The following AKNA variants were observed in gnomAD, a reference collection of about 807,000 sequenced individuals.
AKNA encodes the protein microtubule organization protein AKNA.
In AKNA, 67 loss-of-function variants were observed where a neutral mutation model predicts 138.8. That is an observed-to-expected ratio of 0.48 (90% CI 0.40 to 0.59). The LOEUF (loss-of-function observed/expected upper bound fraction) is 0.59. Among genes scored for constraint, AKNA ranks in the 20% least tolerant of loss-of-function variants. The pLI is 0.00. For synonymous variants in AKNA, 737 were observed against 754.4 expected, an observed-to-expected ratio of 0.98 and a Z score of 0.38; for missense variants, 1,813 against 1,880.4, an observed-to-expected ratio of 0.96 and a Z score of 0.66.
chr9:114,388,216 G>A (rs560073066), upstream of AKNA: 160 of 208,496 alleles, frequency 7.7e-4, no homozygotes, highest in Non-Finnish European at 1.3e-3. Context: ...AACTCCTGAC[G>A]TCCTGGGCTT....
At chr9:114,374,504 T>G (rs1476266183) in intron 3 of AKNA, among the ~76,000 whole-genome samples, 2 of 152,222 alleles carry the variant, frequency 1.3e-5, no homozygotes, top group Non-Finnish European at 2.9e-5. Context: ...TGCCCACCGG[T>G]TGGCTCTGTG....
chr9:114,373,288 G>T lies in AKNA; in HGVS notation c.1416+805C>A, dbSNP rs190812482. Among the ~76,000 whole-genome samples the T allele has an allele frequency of 9.2e-5, 14 of 152,332 alleles. No individual in the cohort carries two copies. The East Asian group carries it at 2.7e-3, about 29-fold the overall frequency. On this transcript the variant is annotated intron_variant, in intron 4 of 21. Transcript: ENST00000374088. ...AATTCACAGCCTCCTCCGAAGACGG[G>T]GTGGGGGCTGGGGTGGTGGGTTCCC... is the stretch of plus-strand genomic sequence containing the variant.
At position 114,381,152 on chromosome 9, in the gene AKNA, A is replaced by G; in HGVS notation, c.182T>C (p.Leu61Pro). Residue 61 changes from leucine to proline, a missense_variant, in exon 2 of 22, where the codon CTG becomes CCG. Leu to Pro is a moderately conservative substitution (Grantham distance 98). Transcript: ENST00000374088. ...TSPELLEDFR[L>P]AQQHLPPLEW... Reference sequence around the variant, plus strand: ...CAGGGGCGGCAGGTGCTGCTGGGCCAGGCGGAAGTCCTCTAGGAGCTCGGG... The same window carrying G: ...CAGGGGCGGCAGGTGCTGCTGGGCCGGGCGGAAGTCCTCTAGGAGCTCGGG... 1 of 1,613,492 alleles carries G rather than the reference A, an allele frequency of 6.2e-7. No homozygotes were observed.
At position 114,358,001 on chromosome 9, in the gene AKNA, T is replaced by C. The variant is rs1263550404; in HGVS notation, c.2659A>G (p.Met887Val). Residue 887 changes from methionine to valine, a missense_variant, in exon 12 of 22, where the codon ATG (methionine) becomes GTG (valine). Met to Val is a conservative substitution (Grantham distance 21). Transcript: ENST00000374088. ...ATGCCGCTTCCCTCCAGGCTGGTCATACTACTTTGGTGGGATGCTGCGGAC... is the reference window on the plus strand; with the variant it reads ...ATGCCGCTTCCCTCCAGGCTGGTCACACTACTTTGGTGGGATGCTGCGGAC... The part of the protein sequence containing the change: ...TKSAASHQSS[M>V]TSLEGSGISE... 2 of 1,608,768 alleles carry C rather than the reference T, an allele frequency of 1.2e-6. No homozygotes were observed. Among genetic ancestry groups the C allele is most frequent in the Non-Finnish European group, 1.7e-6 (2 of 1,176,754 alleles).
At chr9:114,370,026 TG>T (rs1164190585) in intron 4 of AKNA, among the ~76,000 whole-genome samples, 1 of 152,180 alleles carries the variant, frequency 6.6e-6, no homozygotes, top group Admixed American at 6.5e-5. Flanking sequence ...ATCATGATGT[TG>T]GGGGGTTATC....
At chr9:114,340,603 G>A (rs1166349531) in intron 21 of AKNA, among the ~76,000 whole-genome samples, 1 of 152,190 alleles carries the variant, frequency 6.6e-6, no homozygotes, top group East Asian at 1.9e-4. Context: ...ACGTGGTTGA[G>A]ACTCTTCCTC....
chr9:114,341,706 C>T lies in AKNA; in HGVS notation c.3894G>A (p.Thr1298=), dbSNP rs1458802146. The T allele has an allele frequency of 3.2e-6, 5 of 1,581,340 alleles. No homozygotes were observed. The South Asian group carries it at 3.5e-5, about 11-fold the overall frequency. Residue 1298 remains threonine (T), a synonymous_variant, in exon 21 of 22, where the codon ACG becomes ACA. Transcript: ENST00000374088. ...TGGGAGTTGAAGATGCTTTTCTCCT[C>T]GTGGTGGCCTTCTCTGCCCCTATCA... ...SATSGAEKAT[T]RRKASSTPSP... is the part of the protein sequence containing the mutation.
Position 114,374,130 on chromosome 9 carries a change from G to A in AKNA, c.1379C>T (p.Ala460Val). ...GCGTAGCTGGTCAATGGTGTTCTCG[G>A]CCTCAGCGTACTTGGTGAGGAGCCT... ...YHRLLTKYAE[A>V]ENTIDQLRLG... The change falls in exon 4 of 22, where the codon GCC becomes GTC. Residue 460 changes from alanine to valine, a missense_variant. Coordinates refer to ENST00000374088, the MANE Select transcript of AKNA (RefSeq NM_001317950.2). The A allele has an allele frequency of 6.4e-7, 1 of 1,559,762 alleles. No individual in the cohort carries two copies. Among genetic ancestry groups the A allele is most frequent in the African/African-American group, 1.4e-5 (1 of 73,592 alleles).
At chr9:114,348,892 G>A (rs1304990863) in intron 15 of AKNA, 3 of 456,180 alleles carry the variant, frequency 6.6e-6, no homozygotes, top group Admixed American at 4.7e-5. Context: ...CTTGCCTGGT[G>A]GCCCCTGGAC....
At chr9:114,370,313 C>T (rs902253636) in intron 4 of AKNA, among the ~76,000 whole-genome samples, 1 of 152,248 alleles carries the variant, frequency 6.6e-6, no homozygotes, top group African/African-American at 2.4e-5. Context: ...GCACCCCTCT[C>T]CTGAGGTGAC....
intron 11 of AKNA, 152 bp downstream of exon 11, chr9:114,359,442 G>C: frequency 7.1e-7 from 1 of 1,417,670 alleles, no homozygotes; most frequent in African/African-American, 1.4e-5. Context: ...TCATTTCAAG[G>C]GCTATCAGTG....
At position 114,347,465 on chromosome 9, in the gene AKNA, G is replaced by A. The variant is rs144895421; in HGVS notation, c.3398+259C>T. Among the ~76,000 whole-genome samples the A allele has an allele frequency of 0.065, 9,946 of 152,106 alleles. 1,097 individuals are homozygous for A. The highest frequency in any genetic ancestry group is 0.23 in the African/African-American group (9,455 of 41,446). The stretch of plus-strand genomic sequence containing the variant: ...GAACTCCTGAACTCGTCATCTTCCC[G>A]CCTCGGCCTCCCAAAGTGCTGGATT... On this transcript the variant is annotated intron_variant, in intron 16 of 21. Coordinates refer to ENST00000374088, the MANE Select transcript of AKNA (RefSeq NM_001317950.2).
At chr9:114,393,777 A>G (rs905917200) in intron 1 of AKNA, among the ~76,000 whole-genome samples, 1 of 152,094 alleles carries the variant, frequency 6.6e-6, no homozygotes, top group African/African-American at 2.4e-5. Flanking sequence ...TAAAAAAAAA[A>G]ACAGTAAAAT....
downstream of AKNA, among the ~76,000 whole-genome samples, chr9:114,333,944 T>C (rs942787000): frequency 2.8e-5 from 4 of 143,972 alleles, no homozygotes; most frequent in African/African-American, 1.1e-4. Flanking sequence ...TTTCTAATGG[T>C]TTAGCCCCAC....
At chr9:114,331,047 CAT>C (rs1472448870), downstream of AKNA, among the ~76,000 whole-genome samples, 1 of 152,042 alleles carries the variant, frequency 6.6e-6, no homozygotes, top group African/African-American at 2.4e-5. Flanking sequence ...GATGAGGAAA[CAT>C]AAGAACAGAG....
intron 2 of AKNA, among the ~76,000 whole-genome samples, chr9:114,380,622 T>A (rs1833568780): frequency 6.6e-6 from 1 of 152,134 alleles, no homozygotes; most frequent in South Asian, 2.1e-4. Flanking sequence ...TTTAAAAATT[T>A]TTAATTACAG....
intron 15 of AKNA, among the ~76,000 whole-genome samples, chr9:114,349,977 C>G (rs1830990307): frequency 6.6e-6 from 1 of 152,204 alleles, no homozygotes; most frequent in South Asian, 2.1e-4. Flanking sequence ...TCGCTGTGCT[C>G]CCACAGTCCT....
intron 1 of AKNA, among the ~76,000 whole-genome samples, chr9:114,381,785 TGAGTAGCTGGGACTA>T (rs1833701779): frequency 1.3e-5 from 2 of 149,072 alleles, no homozygotes; most frequent in Non-Finnish European, 3.0e-5. Flanking sequence ...CTCAGCCTCC[TGAGTAGCTGGGACTA>T]CAGGTGCACG....
chr9:114,331,223 C>G (rs1442764009), downstream of AKNA, among the ~76,000 whole-genome samples: 1 of 152,038 alleles, frequency 6.6e-6, no homozygotes, highest in Non-Finnish European at 1.5e-5. Context: ...AACTATGTCC[C>G]CCATCACCGC....
Sources: allele counts gnomAD v4.1 joint callset (sites outside exome capture counted in the v4.1 genomes callset), GRCh38; gene constraint gnomAD v4.1.1; transcripts MANE v1.5; gene names NCBI Gene and HGNC (gene_info 2026-07-23, HGNC 2026-07-21).